Variants in IRF4 observed in about 807,000 individuals in gnomAD.
IRF4 encodes lymphocyte-specific interferon regulatory factor.
IRF4 carries 13 observed loss-of-function variants against 55.5 expected under a neutral mutation model. The ratio of observed to expected loss-of-function variants is 0.23; its 90% CI spans 0.15 to 0.37. The LOEUF (loss-of-function observed/expected upper bound fraction) is 0.37, where lower values mean the gene tolerates loss of function less well. Ranked by LOEUF, IRF4 falls within the 10% of genes least tolerant of loss-of-function variation. The pLI is 1.00. For synonymous variants in IRF4, 249 were observed against 240.7 expected (o/e 1.03, Z -0.32); for missense variants, 397 against 593.8 (o/e 0.67, Z 3.44).
intron 7 of IRF4, 92 bp downstream of exon 7, chr6:401,869 G>T: frequency 8.7e-7 from 1 of 1,152,738 alleles, no homozygotes. Context: ...ACCCCAGGCT[G>T]AGGTCTTCCT....
chr6:394,302 T>C (rs534034778), intron 2 of IRF4, among the ~76,000 whole-genome samples: 1 of 152,262 alleles, frequency 6.6e-6, no homozygotes, highest in East Asian at 1.9e-4. Context: ...CGGTTATAAA[T>C]ACCCAGAAAA....
intron 5 of IRF4, among the ~76,000 whole-genome samples, chr6:398,324 T>C (rs1223529282): frequency 6.6e-6 from 1 of 152,278 alleles, no homozygotes; most frequent in South Asian, 2.1e-4. Flanking sequence ...TCAGGTGTTC[T>C]GTGCCACATT....
Position 393,455 on chromosome 6 carries a change from C to T in IRF4, c.216+87C>T. The T allele has an allele frequency of 2.0e-6, 2 of 983,880 alleles. No individual in the cohort carries two copies. The highest frequency in any genetic ancestry group is 6.0e-5 in the South Asian group (2 of 33,246). The allele number at this position is 983,880 out of a possible 1,614,324, so 60.9% of individuals were successfully genotyped here. ...TCCCCGGCGCCGCCTCCGAGGCGAG[C>T]CCAGGGGACCGCGCGGGGCGGACGG... On this transcript the variant is annotated intron_variant, in intron 2 of 8. Coordinates refer to ENST00000380956, the MANE Select transcript of IRF4 (RefSeq NM_002460.4). The surrounding 1 kb of genome is among the most constrained non-coding windows in gnomAD (Gnocchi z 5.4).
In IRF4 at chr6:393,821, C is replaced by G. The variant is rs1458420287; in HGVS notation, c.216+453C>G. 1.3e-5 allele frequency among the ~76,000 whole-genome samples: 2 copies of G among 148,838 alleles called. No homozygotes were observed. Among genetic ancestry groups the G allele is most frequent in the African/African-American group, 5.2e-5 (2 of 38,420 alleles). On this transcript the variant is annotated intron_variant, in intron 2 of 8. Coordinates refer to ENST00000380956, the MANE Select transcript of IRF4 (RefSeq NM_002460.4). This position sits in a 1 kb window ranked among gnomAD's most constrained non-coding sequence, Gnocchi z 5.4. ...CACCGCGTCTCTGTTTCTCTTTTCG[C>G]TGCTTTTCTCTCTGAGTCTCTCTCT... is the stretch of plus-strand genomic sequence containing the variant.
At chr6:399,358 C>G (rs1341695537) in intron 6 of IRF4, among the ~76,000 whole-genome samples, 1 of 152,192 alleles carries the variant, frequency 6.6e-6, no homozygotes, top group Non-Finnish European at 1.5e-5. Flanking sequence ...TCCTCCTCCT[C>G]TACTCCCTGG....
rs1203039053 is a variant in IRF4 at position 392,979 on chromosome 6, A to C, written c.-55-119A>C. ...GGGGCCCGGACGACCCTGACACGGC[A>C]CGCGCGCGCTTCGCAGCCTCAAAGA... On this transcript the variant is annotated intron_variant, in intron 1 of 8. Coordinates refer to ENST00000380956, the MANE Select transcript of IRF4 (RefSeq NM_002460.4). The C allele has an allele frequency of 6.1e-5, 36 of 585,402 alleles. No individual in the cohort carries two copies. In the East Asian group the frequency reaches 1.1e-3, roughly 18 times the overall value. The allele number at this position is 585,402 out of a possible 1,614,324, so 36.3% of individuals were successfully genotyped here.
Position 393,437 on chromosome 6 carries a change from C to T in IRF4, c.216+69C>T. The stretch of plus-strand genomic sequence containing the variant: ...CAGAGACAGAGCCCGGGGTCCCCGG[C>T]GCCGCCTCCGAGGCGAGCCCAGGGG... On this transcript the variant is annotated intron_variant, in intron 2 of 8. Transcript: ENST00000380956. This position sits in a 1 kb window ranked among gnomAD's most constrained non-coding sequence, Gnocchi z 5.4. 8.9e-7 allele frequency: 1 copy of T among 1,127,788 alleles called. No individual in the cohort carries two copies. Among genetic ancestry groups the T allele is most frequent in the Non-Finnish European group, 1.2e-6 (1 of 850,010 alleles). 69.9% of individuals were successfully genotyped at this position (1,127,788 alleles called of 1,614,324 possible). A position where few individuals can be genotyped will look rare whatever the true frequency, so the allele number is the denominator to read the frequency against.
At chr6:391,958 TC>T in intron 1 of IRF4, 149 bp downstream of exon 1, 1 of 425,860 alleles carries the variant, frequency 2.3e-6, no homozygotes, top group Non-Finnish European at 4.8e-6. Flanking sequence ...GAGCTCCGAC[TC>T]CCACCCCATC....
chr6:406,580 C>T (rs1761549200), intron 8 of IRF4, among the ~76,000 whole-genome samples: 1 of 152,036 alleles, frequency 6.6e-6, no homozygotes, highest in African/African-American at 2.4e-5. Flanking sequence ...ATCAGCTCAG[C>T]TATCACATCA....
At chr6:398,506 G>A (rs759021997) in intron 5 of IRF4, among the ~76,000 whole-genome samples, 4 of 152,206 alleles carry the variant, frequency 2.6e-5, no homozygotes, top group Non-Finnish European at 5.9e-5. Context: ...TTGTGAACCC[G>A]CTTTGTGAAC....
At chr6:396,099 A>G (rs1227303781) in intron 4 of IRF4, 164 bp downstream of exon 4, 2 of 606,682 alleles carry the variant, frequency 3.3e-6, no homozygotes, top group East Asian at 2.8e-5. Context: ...CTCACTTTCC[A>G]CACGGTGCTG....
Position 409,017 on chromosome 6 carries a change from G to GGCGT in IRF4, c.*1420_*1423dup. On this transcript the variant is annotated 3_prime_UTR_variant, in exon 9 of 9. Transcript: ENST00000380956. The stretch of plus-strand genomic sequence containing the variant: ...TTGAGAAAGTACAGCAGTAGACTGG[G>GGCGT]GCGTCACCTCCAGGCCGTTTCTCAT... 9.0e-6 allele frequency: 2 copies of GGCGT among 222,610 alleles called. No homozygotes were observed. The highest frequency in any genetic ancestry group is 1.8e-5 in the Non-Finnish European group (2 of 111,304). 13.8% of individuals were successfully genotyped at this position (222,610 alleles called of 1,614,324 possible). A position where few individuals can be genotyped will look rare whatever the true frequency, so the allele number is the denominator to read the frequency against.
chr6:403,707 C>T (rs1279687325), intron 7 of IRF4, among the ~76,000 whole-genome samples: 2 of 152,208 alleles, frequency 1.3e-5, no homozygotes, highest in African/African-American at 4.8e-5. Context: ...AGCCTCTCAC[C>T]TCAAAGTGTT....
chr6:395,019 C>T lies in IRF4; in HGVS notation c.403+12C>T, dbSNP rs1464156978. 6.3e-7 allele frequency: 1 copy of T among 1,576,776 alleles called. No homozygotes were observed. The highest frequency in any genetic ancestry group is 8.6e-7 in the Non-Finnish European group (1 of 1,160,408). ...GGGAGCCAAAAAAGGTAGGGGCTCT[C>T]CTGAATTTGGGTCACCTAACAGAGG... On this transcript the variant is annotated intron_variant, in intron 3 of 8. Coordinates refer to ENST00000380956, the MANE Select transcript of IRF4 (RefSeq NM_002460.4).
intron 7 of IRF4, among the ~76,000 whole-genome samples, chr6:404,122 C>T (rs1038309257): frequency 4.6e-5 from 7 of 152,186 alleles, no homozygotes; most frequent in East Asian, 1.9e-4. Flanking sequence ...GATAAGGACG[C>T]GTCTGTTCTG....
chr6:393,256 G>C lies in IRF4; in HGVS notation c.104G>C (p.Gly35Ala), dbSNP rs538907751. Residue 35 changes from glycine (G) to alanine (A), a missense_variant, in exon 2 of 9, where the codon GGC becomes GCC. Gly to Ala is a moderately conservative substitution (Grantham distance 60). Transcript: ENST00000380956. The surrounding 1 kb of genome is among the most constrained non-coding windows in gnomAD (Gnocchi z 5.4). ...RQWLIDQIDS[G>A]KYPGLVWENE... ...TGGCTGATCGACCAGATCGACAGCG[G>C]CAAGTACCCCGGGCTGGTGTGGGAG... 1 of 1,591,708 alleles carries C rather than the reference G, an allele frequency of 6.3e-7. No individual in the cohort carries two copies. The highest frequency in any genetic ancestry group is 1.3e-5 in the African/African-American group (1 of 74,648).
chr6:396,028 C>A, intron 4 of IRF4, 93 bp downstream of exon 4: 1 of 1,000,366 alleles, frequency 1.0e-6, no homozygotes, highest in Non-Finnish European at 1.5e-6. Context: ...GACAGCAGAA[C>A]TTGCCATTTG....
intron 1 of IRF4, 70 bp downstream of exon 1, chr6:391,879 G>T (rs1325107612): frequency 2.2e-6 from 1 of 453,478 alleles, no homozygotes; most frequent in African/African-American, 2.0e-5. Flanking sequence ...GCGCGAACCA[G>T]AGGTTCGACC....
chr6:393,390 C>T lies in IRF4; in HGVS notation c.216+22C>T. On this transcript the variant is annotated intron_variant, in intron 2 of 8. Transcript: ENST00000380956. This position sits in a 1 kb window ranked among gnomAD's most constrained non-coding sequence, Gnocchi z 5.4. The stretch of plus-strand genomic sequence containing the variant: ...CAAGGTCTCCGGCCTCGGGAGCCGG[C>T]GGGGGCGCGCCGGGGAGGGCCCAGA... 5 of 1,105,788 alleles carry T rather than the reference C, an allele frequency of 4.5e-6. No homozygotes were observed. Among genetic ancestry groups the T allele is most frequent in the South Asian group, 1.4e-5 (1 of 74,054 alleles). 68.5% of individuals were successfully genotyped at this position (1,105,788 alleles called of 1,614,324 possible). A position where few individuals can be genotyped will look rare whatever the true frequency, so the allele number is the denominator to read the frequency against.
Sources: allele counts gnomAD v4.1 joint callset (sites outside exome capture counted in the v4.1 genomes callset), GRCh38; gene constraint gnomAD v4.1.1; non-coding constraint Gnocchi (gnomAD v3.1); transcripts MANE v1.5; gene names NCBI Gene and HGNC (gene_info 2026-07-23, HGNC 2026-07-21).